Variants in CLEC2D observed in about 807,000 individuals in gnomAD.
The protein encoded by CLEC2D is C-type lectin related f.
CLEC2D carries 16 observed loss-of-function variants against 20.0 expected under a neutral mutation model. That is an observed-to-expected ratio of 0.80 (90% CI 0.54 to 1.22). The LOEUF (loss-of-function observed/expected upper bound fraction) is 1.22. Among genes scored for constraint, CLEC2D ranks in the 50% most tolerant of loss-of-function variants. CLEC2D has a pLI of 0.00. For missense variants in CLEC2D, 207 were observed against 221.5 expected, an observed-to-expected ratio of 0.93 and a Z score of 0.42; for synonymous variants, 77 against 71.1, an observed-to-expected ratio of 1.08 and a Z score of -0.42.
intron 3 of CLEC2D, 104 bp downstream of exon 3, chr12:9,688,190 ATTTTTTTTTT>A (rs71045286): frequency 7.3e-4 from 571 of 786,512 alleles, no homozygotes; most frequent in East Asian, 1.2e-3. Context: ...TTTTACATTG[ATTTTTTTTTT>A]TTTTTTTTTT....
In CLEC2D at chr12:9,695,547, T is replaced by C; in HGVS notation, c.*673T>C. On this transcript the variant is annotated 3_prime_UTR_variant, in exon 5 of 5. Transcript: ENST00000290855. Reference sequence around the variant, plus strand: ...TCAGCTCAGGGGCTGGTGCAAAGGATGAACTGCACATTGTTGAAGCAGAGG... The same window carrying C: ...TCAGCTCAGGGGCTGGTGCAAAGGACGAACTGCACATTGTTGAAGCAGAGG... 1 of 1,316,512 alleles carries C rather than the reference T, an allele frequency of 7.6e-7. No homozygotes were observed. The highest frequency in any genetic ancestry group is 1.1e-6 in the Non-Finnish European group (1 of 924,860). The allele number at this position is 1,316,512 out of a possible 1,614,324, so 81.6% of individuals were successfully genotyped here. A position where few individuals can be genotyped will look rare whatever the true frequency, so the allele number is the denominator to read the frequency against.
intron 2 of CLEC2D, among the ~76,000 whole-genome samples, chr12:9,687,524 G>T (rs141284016): frequency 6.6e-6 from 1 of 152,160 alleles, no homozygotes; most frequent in Non-Finnish European, 1.5e-5. Context: ...AGGGGTTGGG[G>T]ACCCCTAATC....
At chr12:9,693,223 A>G (rs1345305613) in intron 4 of CLEC2D, 1 of 768,816 alleles carries the variant, frequency 1.3e-6, no homozygotes, top group East Asian at 2.5e-5. Flanking sequence ...CCTTACCTCC[A>G]CAACAAAATT....
intron 2 of CLEC2D, among the ~76,000 whole-genome samples, chr12:9,682,480 T>A (rs749029115): frequency 6.6e-6 from 1 of 152,188 alleles, no homozygotes; most frequent in African/African-American, 2.4e-5. Flanking sequence ...CAACCCATCA[T>A]CTATATTAGG....
At chr12:9,674,264 T>C (rs963973798) in intron 1 of CLEC2D, 11 of 152,236 alleles carry the variant, frequency 7.2e-5, no homozygotes, top group African/African-American at 2.7e-4. Context: ...GGGAATCTTC[T>C]GATCTGCAGA....
At chr12:9,689,964 A>G (rs775292240) in intron 3 of CLEC2D, among the ~76,000 whole-genome samples, 1 of 152,244 alleles carries the variant, frequency 6.6e-6, no homozygotes, top group African/African-American at 2.4e-5. Flanking sequence ...ATAATGAACA[A>G]AACTTTCCAA....
intron 1 of CLEC2D, among the ~76,000 whole-genome samples, chr12:9,671,528 A>C (rs1366318992): frequency 6.6e-6 from 1 of 152,182 alleles, no homozygotes; most frequent in Non-Finnish European, 1.5e-5. Context: ...CCGAGGATTA[A>C]CCTTTCTCAA....
intron 2 of CLEC2D, among the ~76,000 whole-genome samples, chr12:9,683,322 GTTTTTTGTGT>G (rs1219057119): frequency 8.7e-5 from 7 of 80,880 alleles, no homozygotes; most frequent in African/African-American, 3.7e-4. Flanking sequence ...ATGATAGTTT[GTTTTTTGTGT>G]TTGTTTTTTT....
chr12:9,684,558 A>C (rs1486983640), intron 2 of CLEC2D, among the ~76,000 whole-genome samples: 1 of 152,200 alleles, frequency 6.6e-6, no homozygotes, highest in East Asian at 1.9e-4. Flanking sequence ...ATGTTCCATC[A>C]ATACCTAGTC....
At chr12:9,681,400 G>A (rs1279592093) in intron 2 of CLEC2D, among the ~76,000 whole-genome samples, 1 of 152,088 alleles carries the variant, frequency 6.6e-6, no homozygotes, top group East Asian at 1.9e-4. Context: ...AAAACAGATG[G>A]TTTAAAGTAC....
intron 4 of CLEC2D, among the ~76,000 whole-genome samples, chr12:9,694,329 T>G (rs1301645186): frequency 1.3e-5 from 2 of 152,128 alleles, no homozygotes; most frequent in Admixed American, 1.3e-4. Context: ...CCATCTAAAC[T>G]CAGCTAAATA....
chr12:9,687,382 C>A (rs1244624857), intron 2 of CLEC2D, among the ~76,000 whole-genome samples: 3 of 152,126 alleles, frequency 2.0e-5, no homozygotes, highest in African/African-American at 7.2e-5. Flanking sequence ...GGAGGTGGAG[C>A]TCATGAGGTA....
intron 2 of CLEC2D, among the ~76,000 whole-genome samples, chr12:9,682,658 G>A (rs1218154300): frequency 6.6e-6 from 1 of 152,072 alleles, no homozygotes; most frequent in Admixed American, 6.5e-5. Flanking sequence ...TGAGAATGAT[G>A]GTTTCCAGTT....
At chr12:9,694,480 T>G (rs1865935129) in intron 4 of CLEC2D, among the ~76,000 whole-genome samples, 1 of 152,180 alleles carries the variant, frequency 6.6e-6, no homozygotes, top group Non-Finnish European at 1.5e-5. Flanking sequence ...GTGTCAGACT[T>G]CTCCCATCAG....
At chr12:9,685,681 C>T (rs1865733150) in intron 2 of CLEC2D, among the ~76,000 whole-genome samples, 1 of 152,204 alleles carries the variant, frequency 6.6e-6, no homozygotes, top group Non-Finnish European at 1.5e-5. Context: ...ACTCAAGCCT[C>T]AGTAATGGCG....
rs1226655704 is a variant in CLEC2D, at chr12:9,683,322, G to GT, written c.172+2295dup. ...TGCCTGTTCACTCTGATGATAGTTT[G>GT]TTTTTTGTGTTTGTTTTTTTTTTTT... is the stretch of plus-strand genomic sequence containing the variant. On this transcript the variant is annotated intron_variant, in intron 2 of 4. Transcript: ENST00000290855. 9.9e-5 allele frequency among the ~76,000 whole-genome samples: 8 copies of GT among 80,874 alleles called. 1 individual carries two copies. The highest frequency in any genetic ancestry group is 2.5e-4 in the African/African-American group (4 of 16,124). 53.1% of individuals were successfully genotyped at this position (80,874 alleles called of 152,430 possible). A position where few individuals can be genotyped will look rare whatever the true frequency, so the allele number is the denominator to read the frequency against.
Position 9,696,193 on chromosome 12 carries a change from G to A in CLEC2D, c.*1319G>A. On this transcript the variant is annotated 3_prime_UTR_variant, in exon 5 of 5. Transcript: ENST00000290855. ...TTTCTTCTGGATGACTGACCAAGAG[G>A]CTATTCAAGATCTCTGGCAGTGGAG... 1.2e-6 allele frequency: 1 copy of A among 862,486 alleles called. No homozygotes were observed. The highest frequency in any genetic ancestry group is 1.6e-5 in the African/African-American group (1 of 60,966). The allele number at this position is 862,486 out of a possible 1,614,324, so 53.4% of individuals were successfully genotyped here.
chr12:9,680,942 G>A lies in CLEC2D; in HGVS notation c.81G>A (p.Glu27=). The change falls in exon 2 of 5, where the codon GAG becomes GAA. Residue 27 remains glutamate (E), a synonymous_variant. Transcript: ENST00000290855. ...TTCCAGGTTGTCTGCATTCAAAAGA[G>A]CATTCTATTAAAGCTACCTTAATTT... ...PANPGCLHSK[E]HSIKATLIWR... 3.8e-6 allele frequency: 6 copies of A among 1,582,140 alleles called. No individual in the cohort carries two copies. The highest frequency in any genetic ancestry group is 1.1e-5 in the South Asian group (1 of 90,192).
At chr12:9,680,782 A>G (rs1591693273) in intron 1 of CLEC2D, 141 bp from the exon 2 acceptor site, 1 of 509,310 alleles carries the variant, frequency 2.0e-6, no homozygotes, top group Non-Finnish European at 3.5e-6. Context: ...TAGAATAGTA[A>G]GTTCATAAGA....
Sources: allele counts gnomAD v4.1 joint callset (sites outside exome capture counted in the v4.1 genomes callset), GRCh38; gene constraint gnomAD v4.1.1; transcripts MANE v1.5; gene names NCBI Gene and HGNC (gene_info 2026-07-23, HGNC 2026-07-21).